Variants in GOLIM4 observed in about 807,000 individuals in gnomAD.
GOLIM4 encodes golgi integral membrane protein 4.
In GOLIM4, 71 loss-of-function variants were observed where a neutral mutation model predicts 107.4. The ratio of observed to expected loss-of-function variants is 0.66; its 90% CI spans 0.55 to 0.81. The LOEUF (loss-of-function observed/expected upper bound fraction) is 0.81. Ranked by LOEUF, GOLIM4 falls within the 30% of genes least tolerant of loss-of-function variation. The pLI is 0.00. For missense variants in GOLIM4, 830 were observed against 826.1 expected (o/e 1.00, Z -0.06); for synonymous variants, 327 against 294.8 (o/e 1.11, Z -1.12).
At chr3:168,033,548 A>T (rs1718459391) in intron 8 of GOLIM4, among the ~76,000 whole-genome samples, 1 of 126,558 alleles carries the variant, frequency 7.9e-6, no homozygotes. Flanking sequence ...CGGAGCTTGC[A>T]GTGAGCCGAG....
Position 168,044,819 on chromosome 3 carries a change from A to T in GOLIM4, c.366+9T>A, listed in dbSNP as rs760782786. The T allele has an allele frequency of 1.4e-5, 20 of 1,474,090 alleles. No homozygotes were observed. In the East Asian group the frequency reaches 4.5e-4, roughly 34 times the overall value. The allele number at this position is 1,474,090 out of a possible 1,614,324, so 91.3% of individuals were successfully genotyped here. ...TTTTATTCATAAATAACAACTTTAG[A>T]TTACTCACTTTCAACATCTGATGTT... On this transcript the variant is annotated intron_variant, in intron 4 of 15. Coordinates refer to ENST00000470487, the MANE Select transcript of GOLIM4 (RefSeq NM_014498.5).
chr3:168,021,591 G>A (rs1326293795), intron 14 of GOLIM4, among the ~76,000 whole-genome samples: 4 of 151,968 alleles, frequency 2.6e-5, no homozygotes, highest in African/African-American at 7.3e-5. Context: ...GCTTGAACCC[G>A]GAAGGCGGAG....
At chr3:168,071,478 A>C (rs1720826217) in intron 1 of GOLIM4, among the ~76,000 whole-genome samples, 2 of 152,070 alleles carry the variant, frequency 1.3e-5, no homozygotes, top group Non-Finnish European at 2.9e-5. Flanking sequence ...CCTGGAGTGA[A>C]GAAGCTGGCT....
Position 168,036,842 on chromosome 3 carries a change from C to A in GOLIM4, c.837G>T (p.Val279=), listed in dbSNP as rs1284202661. 6.2e-7 allele frequency: 1 copy of A among 1,612,102 alleles called. No individual in the cohort carries two copies. Among genetic ancestry groups the A allele is most frequent in the Admixed American group, 1.7e-5 (1 of 59,944 alleles). Reference sequence around the variant, plus strand: ...ACCAGTTCACGCCCCTTACCTCCTGCACCTCTCGGGTTGGCTTCTCCCTTG... The same window carrying A: ...ACCAGTTCACGCCCCTTACCTCCTGAACCTCTCGGGTTGGCTTCTCCCTTG... ...NTAREKPTRE[V]QEVSRNNDVW... The change falls in exon 8 of 16, where the codon GTG becomes GTT. Residue 279 remains valine (V), a synonymous_variant. Transcript: ENST00000470487.
Position 168,040,861 on chromosome 3 carries a change from A to AT in GOLIM4, c.608dup (p.His203GlnfsTer2), listed in dbSNP as rs756644088. The AT allele has an allele frequency of 6.2e-7, 1 of 1,609,002 alleles. No individual in the cohort carries two copies. Among genetic ancestry groups the AT allele is most frequent in the Non-Finnish European group, 8.5e-7 (1 of 1,175,458 alleles). ...GTTCATGCTCGGAGAGTAAATTCTT[A>AT]TGCTGTTGCTACACAAAAAAGAATT... is the stretch of plus-strand genomic sequence containing the variant. On this transcript the variant is annotated frameshift_variant, in exon 7 of 16. Transcript: ENST00000470487. LOFTEE classifies it high-confidence loss of function.
chr3:168,057,348 T>C (rs566284534), intron 1 of GOLIM4, among the ~76,000 whole-genome samples: 24 of 152,328 alleles, frequency 1.6e-4, no homozygotes, highest in African/African-American at 5.3e-4. Context: ...ATTGTAGTCA[T>C]GTATTAGTCT....
intron 1 of GOLIM4, among the ~76,000 whole-genome samples, chr3:168,061,213 T>C (rs1449303049): frequency 6.6e-6 from 1 of 151,140 alleles, no homozygotes; most frequent in African/African-American, 2.4e-5. Flanking sequence ...ACGAAATATA[T>C]GAAAAAGTGC....
At chr3:168,045,001 C>T (rs1719220650) in intron 3 of GOLIM4, 120 bp from the exon 4 acceptor site, 8 of 565,900 alleles carry the variant, frequency 1.4e-5, no homozygotes, top group Non-Finnish European at 2.4e-5. Flanking sequence ...AAAATGAATT[C>T]TACATTTGAA....
intron 1 of GOLIM4, among the ~76,000 whole-genome samples, chr3:168,074,077 G>A (rs1258877872): frequency 6.6e-6 from 1 of 152,210 alleles, no homozygotes; most frequent in African/African-American, 2.4e-5. Context: ...GCCATGTTAT[G>A]AGGACATGTA....
At chr3:168,042,200 T>C (rs1188900729) in intron 5 of GOLIM4, among the ~76,000 whole-genome samples, 1 of 152,088 alleles carries the variant, frequency 6.6e-6, no homozygotes, top group African/African-American at 2.4e-5. Flanking sequence ...ACCATATGCC[T>C]CTTAAAACCA....
intron 4 of GOLIM4, among the ~76,000 whole-genome samples, chr3:168,044,185 T>C (rs1394970494): frequency 6.6e-6 from 1 of 152,176 alleles, no homozygotes; most frequent in Admixed American, 6.5e-5. Flanking sequence ...AAAAAGTGCA[T>C]GCCCTACTGA....
rs148889836 is a variant in GOLIM4, at chr3:168,036,987, A to G, written c.692T>C (p.Val231Ala). The change falls in exon 8 of 16, where the codon GTT becomes GCT. Residue 231 changes from valine (V) to alanine (A), a missense_variant. Transcript: ENST00000470487. ...ATCTTTCAGTTGTTTATATTCTGCAACTTGAGTCTGCATATAAATTGCACA... is the reference window on the plus strand; with the variant it reads ...ATCTTTCAGTTGTTTATATTCTGCAGCTTGAGTCTGCATATAAATTGCACA... ...KSALAAAQTQ[V>A]AEYKQLKDTL... 4.6e-5 allele frequency: 74 copies of G among 1,611,812 alleles called. No homozygotes were observed. The African/African-American group carries it at 8.8e-4, about 19-fold the overall frequency.
chr3:168,061,171 AG>A (rs1264373290), intron 1 of GOLIM4, among the ~76,000 whole-genome samples: 1 of 152,062 alleles, frequency 6.6e-6, no homozygotes, highest in Non-Finnish European at 1.5e-5. Flanking sequence ...GGCAAAGAAT[AG>A]GAACAGCCAC....
chr3:168,036,934 T>A lies in GOLIM4; in HGVS notation c.745A>T (p.Lys249Ter). Residue 249 changes from lysine to a stop codon, truncating the protein, a stop_gained, in exon 8 of 16, where the codon AAA becomes TAA. Coordinates refer to ENST00000470487, the MANE Select transcript of GOLIM4 (RefSeq NM_014498.5). LOFTEE classifies it high-confidence loss of function. ...DTLNRIPSLR[K>*]PDPAEQQNVT... ...TTTTGCTGTTCTGCTGGATCAGGTT[T>A]TCGAAGGCTTGGAATCCTATTCAGA... 1 of 1,613,792 alleles carries A rather than the reference T, an allele frequency of 6.2e-7. No homozygotes were observed. Among genetic ancestry groups the A allele is most frequent in the Non-Finnish European group, 8.5e-7 (1 of 1,179,650 alleles).
chr3:168,041,513 A>C, intron 5 of GOLIM4, 39 bp from the exon 6 acceptor site: 1 of 947,046 alleles, frequency 1.1e-6, no homozygotes, highest in Non-Finnish European at 1.7e-6. Flanking sequence ...AAAGCCTTGA[A>C]ACTTTCAGGA....
At position 168,010,382 on chromosome 3, in the gene GOLIM4, C is replaced by A; in HGVS notation, c.1978G>T (p.Val660Phe). ...CCTTTGGGGCGGTTGTCATCTCGAA[C>A]TTCTTGCTCTTCTCCATCATTATTT... The part of the protein sequence containing the change: ...DKNNDGEEQE[V>F]RDDNRPKGRE... The change falls in exon 16 of 16, where the codon GTT (valine) becomes TTT (phenylalanine). Residue 660 changes from valine to phenylalanine, a missense_variant. By Grantham distance (50) the Val-to-Phe change is conservative. Transcript: ENST00000470487. The A allele has an allele frequency of 6.2e-7, 1 of 1,610,228 alleles. No individual in the cohort carries two copies. The highest frequency in any genetic ancestry group is 8.5e-7 in the Non-Finnish European group (1 of 1,177,066).
chr3:168,021,586 A>C (rs890951020), intron 14 of GOLIM4, among the ~76,000 whole-genome samples: 10 of 152,100 alleles, frequency 6.6e-5, no homozygotes, highest in Non-Finnish European at 1.2e-4. Context: ...GAATTGCTTG[A>C]ACCCGGAAGG....
chr3:168,082,265 A>G (rs1356279595), intron 1 of GOLIM4, among the ~76,000 whole-genome samples: 2 of 152,162 alleles, frequency 1.3e-5, no homozygotes, highest in Non-Finnish European at 2.9e-5. Context: ...CACAGGAAAA[A>G]CATTCAGTGT....
intron 1 of GOLIM4, among the ~76,000 whole-genome samples, chr3:168,052,641 A>C (rs576668124): frequency 6.6e-6 from 1 of 152,304 alleles, no homozygotes; most frequent in African/African-American, 2.4e-5. Flanking sequence ...AAGCACATAC[A>C]CACACATACG....
Sources: allele counts gnomAD v4.1 joint callset (sites outside exome capture counted in the v4.1 genomes callset), GRCh38; gene constraint gnomAD v4.1.1; transcripts MANE v1.5; gene names NCBI Gene and HGNC (gene_info 2026-07-23, HGNC 2026-07-21).